MED27: variants seen among roughly 807,000 people sequenced by gnomAD.
The protein encoded by MED27 is mediator complex subunit 27, also known as mediator of RNA polymerase II transcription subunit 27.
In MED27, 30 loss-of-function variants were observed where a neutral mutation model predicts 38.2. That is an observed-to-expected ratio of 0.79 (90% CI 0.59 to 1.07). MED27 has a LOEUF of 1.07. Ranked by LOEUF, MED27 falls within the 50% of genes least tolerant of loss-of-function variation. The pLI is 0.00. For synonymous variants in MED27, 122 were observed against 153.5 expected, an observed-to-expected ratio of 0.79 and a Z score of 1.52; for missense variants, 289 against 397.5, an observed-to-expected ratio of 0.73 and a Z score of 2.32.
chr9:132,046,605 C>T (rs1479901407), intron 2 of MED27, among the ~76,000 whole-genome samples: 1 of 152,074 alleles, frequency 6.6e-6, no homozygotes, highest in South Asian at 2.1e-4. Context: ...GGGTTTTTCC[C>T]GTCTCTCCAT....
At chr9:131,980,784 C>T (rs1300085251) in intron 3 of MED27, among the ~76,000 whole-genome samples, 1 of 151,874 alleles carries the variant, frequency 6.6e-6, no homozygotes, top group Non-Finnish European at 1.5e-5. Flanking sequence ...ACGCTTTAAC[C>T]ACTTCACTGC....
intron 6 of MED27, among the ~76,000 whole-genome samples, chr9:131,874,660 C>T (rs1026970190): frequency 1.6e-4 from 25 of 152,164 alleles, no homozygotes; most frequent in Admixed American, 4.6e-4. Context: ...TGACCGCCTT[C>T]GGCGTCTGCC....
At chr9:132,016,093 G>A (rs572440630) in intron 2 of MED27, among the ~76,000 whole-genome samples, 3 of 152,184 alleles carry the variant, frequency 2.0e-5, no homozygotes, top group Admixed American at 6.5e-5. Flanking sequence ...TGAAACTGGC[G>A]ACCACCATAT....
intron 3 of MED27, among the ~76,000 whole-genome samples, chr9:131,990,980 C>A (rs751500440): frequency 6.6e-6 from 1 of 152,116 alleles, no homozygotes; most frequent in Non-Finnish European, 1.5e-5. Context: ...GAGAAATCTG[C>A]GGGGTTCTTG....
intron 3 of MED27, among the ~76,000 whole-genome samples, chr9:131,951,717 G>A (rs1027702494): frequency 3.3e-5 from 5 of 152,214 alleles, no homozygotes; most frequent in Non-Finnish European, 5.9e-5. Flanking sequence ...AATGGTATTA[G>A]CTGTTCCTTT....
intron 3 of MED27, among the ~76,000 whole-genome samples, chr9:131,948,751 G>C (rs1012046064): frequency 4.6e-5 from 7 of 152,168 alleles, no homozygotes; most frequent in African/African-American, 1.7e-4. Context: ...TCAACACTTA[G>C]GCAGGCAGAG....
intron 5 of MED27, among the ~76,000 whole-genome samples, chr9:131,887,409 C>T (rs953305790): frequency 3.9e-5 from 6 of 152,130 alleles, no homozygotes; most frequent in Non-Finnish European, 8.8e-5. Context: ...TTACCTGGTG[C>T]GCATGGGTGA....
chr9:132,011,938 C>A (rs189459957), intron 3 of MED27, among the ~76,000 whole-genome samples: 2 of 129,082 alleles, frequency 1.5e-5, no homozygotes, highest in Non-Finnish European at 3.3e-5. Context: ...CAGTTGTGAA[C>A]ACCTCTCGCT....
chr9:132,016,782 G>T (rs1314169539), intron 2 of MED27, among the ~76,000 whole-genome samples: 1 of 152,192 alleles, frequency 6.6e-6, no homozygotes, highest in Non-Finnish European at 1.5e-5. Flanking sequence ...GAGGAGGCCT[G>T]CTAACTATGC....
chr9:131,961,662 A>G (rs1831217142), intron 3 of MED27, among the ~76,000 whole-genome samples: 1 of 152,232 alleles, frequency 6.6e-6, no homozygotes, highest in Non-Finnish European at 1.5e-5. Flanking sequence ...ACAGGACAGA[A>G]CCGCTGCTTT....
intron 4 of MED27, among the ~76,000 whole-genome samples, chr9:131,912,527 C>G (rs1195008006): frequency 6.6e-6 from 1 of 152,180 alleles, no homozygotes; most frequent in Non-Finnish European, 1.5e-5. Context: ...GACAGCAATG[C>G]TGCTCCCCAC....
chr9:131,930,178 G>C (rs775056349), intron 4 of MED27, among the ~76,000 whole-genome samples: 25 of 152,162 alleles, frequency 1.6e-4, no homozygotes, highest in Non-Finnish European at 3.1e-4. Context: ...AAAAAGACGG[G>C]TACAAAGTTT....
At chr9:131,865,207 CTT>C (rs1838716251) in intron 6 of MED27, among the ~76,000 whole-genome samples, 1 of 152,218 alleles carries the variant, frequency 6.6e-6, no homozygotes, top group Non-Finnish European at 1.5e-5. Context: ...ATAAATGGTA[CTT>C]ATTCCTTCGA....
intron 4 of MED27, among the ~76,000 whole-genome samples, chr9:131,922,981 T>TCTTTC (rs1830424653): frequency 6.6e-6 from 1 of 152,192 alleles, no homozygotes; most frequent in African/African-American, 2.4e-5. Flanking sequence ...CAAGATGCTC[T>TCTTTC]AGGCTCATCT....
intron 4 of MED27, among the ~76,000 whole-genome samples, chr9:131,938,976 G>T (rs776713172): frequency 2.0e-5 from 3 of 152,192 alleles, no homozygotes; most frequent in Non-Finnish European, 2.9e-5. Flanking sequence ...GCCTCCCAAA[G>T]TGCTGGGATT....
chr9:132,046,344 A>G (rs1261150066), intron 2 of MED27, among the ~76,000 whole-genome samples: 11 of 152,220 alleles, frequency 7.2e-5, no homozygotes. Context: ...ACAAAAGTAT[A>G]CTGAAACAGG....
intron 2 of MED27, among the ~76,000 whole-genome samples, chr9:132,023,623 T>C (rs1439800410): frequency 6.6e-6 from 1 of 152,156 alleles, no homozygotes; most frequent in Non-Finnish European, 1.5e-5. Context: ...GGGAGACACC[T>C]GGCTACAAAT....
At chr9:131,904,135 G>A (rs1258270558) in intron 4 of MED27, among the ~76,000 whole-genome samples, 2 of 152,098 alleles carry the variant, frequency 1.3e-5, no homozygotes, top group Admixed American at 6.5e-5. Context: ...TCCTGACCTC[G>A]TGATCCACTT....
intron 3 of MED27, among the ~76,000 whole-genome samples, chr9:131,956,427 C>A (rs554069361): frequency 6.6e-6 from 1 of 152,060 alleles, no homozygotes; most frequent in East Asian, 1.9e-4. Context: ...ACCAGCCTGG[C>A]CAACATGGCG....
Sources: gnomAD v4.1 joint callset for allele counts (sites outside exome capture counted in the v4.1 genomes callset) on GRCh38, gnomAD v4.1.1 for gene constraint, MANE v1.5 for transcripts, NCBI Gene and HGNC (gene_info 2026-07-23, HGNC 2026-07-21) for gene names.